ZNF385D: variants seen among roughly 807,000 people sequenced by gnomAD.
ZNF385D encodes the protein zinc finger protein 385D.
ZNF385D carries 15 observed loss-of-function variants against 35.8 expected under a neutral mutation model. The ratio of observed to expected loss-of-function variants is 0.42; its 90% CI spans 0.28 to 0.64. The LOEUF (loss-of-function observed/expected upper bound fraction) is 0.64, where lower values mean the gene tolerates loss of function less well. ZNF385D is among the 30% of genes least tolerant of loss of function. ZNF385D has a pLI of 0.23. For synonymous variants in ZNF385D, 212 were observed against 186.8 expected, an observed-to-expected ratio of 1.13 and a Z score of -1.10; for missense variants, 474 against 494.6, an observed-to-expected ratio of 0.96 and a Z score of 0.39.
chr3:22,146,620 AAAT>A (rs1342947882), intron 3 of ZNF385D, among the ~76,000 whole-genome samples: 5 of 152,144 alleles, frequency 3.3e-5, no homozygotes, highest in Non-Finnish European at 4.4e-5. Flanking sequence ...TTGCCTGCAA[AAAT>A]AATAACTTTT....
In ZNF385D at chr3:21,608,023, G is replaced by GTTTTTTTTT. The variant is rs572518584; in HGVS notation, c.166-43348_166-43340dup. Among the ~76,000 whole-genome samples the GTTTTTTTTT allele has an allele frequency of 1.4e-3, 172 of 120,128 alleles. 6 individuals carry two copies. Among genetic ancestry groups the GTTTTTTTTT allele is most frequent in the African/African-American group, 4.7e-3 (147 of 31,100 alleles). The allele number at this position is 120,128 out of a possible 152,430, so 78.8% of individuals were successfully genotyped here. On this transcript the variant is annotated intron_variant, in intron 2 of 7. Transcript: ENST00000281523. ...TAATTCTTTTTCTTCTTTTTTTTTT[G>GTTTTTTTTT]TTTTTTTTTTTTGAGTCTTGCTGTC...
At chr3:22,178,034 G>T (rs547283487) in intron 2 of ZNF385D, among the ~76,000 whole-genome samples, 2 of 152,060 alleles carry the variant, frequency 1.3e-5, no homozygotes, top group African/African-American at 4.8e-5. Flanking sequence ...GAATACTGCC[G>T]CATTAAACAT....
intron 3 of ZNF385D, among the ~76,000 whole-genome samples, chr3:22,056,867 G>A (rs777636586): frequency 1.3e-5 from 2 of 152,170 alleles, no homozygotes; most frequent in Non-Finnish European, 2.9e-5. Context: ...TGGAGCCCAG[G>A]CTGAATGATT....
chr3:21,652,638 C>A (rs985417119), intron 2 of ZNF385D, among the ~76,000 whole-genome samples: 1 of 147,108 alleles, frequency 6.8e-6, no homozygotes, highest in African/African-American at 2.5e-5. Context: ...CCCAACCCCA[C>A]AACAGTCCCC....
Position 21,751,034 on chromosome 3 carries a change from G to A in ZNF385D, c.-118C>T. On this transcript the variant is annotated 5_prime_UTR_variant, in exon 1 of 8. Transcript: ENST00000281523. ...GGTGGAAATGTCCCCGGCGTGGAGA[G>A]CAGTGAGCGCCGAGAGCGTGCCTCC... is the stretch of plus-strand genomic sequence containing the variant. 1 of 1,579,318 alleles carries A rather than the reference G, an allele frequency of 6.3e-7. No homozygotes were observed. Among genetic ancestry groups the A allele is most frequent in the Non-Finnish European group, 8.6e-7 (1 of 1,162,590 alleles).
chr3:22,325,714 C>T lies in ZNF385D; in HGVS notation c.106+46736G>A, dbSNP rs73136306. 6.2e-3 allele frequency among the ~76,000 whole-genome samples: 939 copies of T among 152,170 alleles called. 11 individuals carry two copies. Among genetic ancestry groups the T allele is most frequent in the African/African-American group, 0.022 (898 of 41,538 alleles). On this transcript the variant is annotated intron_variant, in intron 2 of 5. Transcript: ENST00000494108. The stretch of plus-strand genomic sequence containing the variant: ...CGGATGCCACAGTGAGCCAAGATCA[C>T]GCCATTGCACTCCAGAGTGGCCAAC...
intron 2 of ZNF385D, among the ~76,000 whole-genome samples, chr3:22,288,862 A>C (rs1575045692): frequency 6.6e-6 from 1 of 152,138 alleles, no homozygotes; most frequent in East Asian, 1.9e-4. Context: ...TTGTAAAAGA[A>C]GAACCTCACC....
intron 5 of ZNF385D, among the ~76,000 whole-genome samples, chr3:21,433,920 T>C (rs997795246): frequency 6.6e-6 from 1 of 152,176 alleles, no homozygotes; most frequent in Non-Finnish European, 1.5e-5. Flanking sequence ...CAAGTTTTTG[T>C]GTCATTAGTA....
At chr3:21,758,524 T>A (rs2125578760) in intron 3 of ZNF385D, among the ~76,000 whole-genome samples, 1 of 152,196 alleles carries the variant, frequency 6.6e-6, no homozygotes, top group East Asian at 1.9e-4. Context: ...AGAAATTTTG[T>A]GGATGGAGCA....
rs139575297 is a variant in ZNF385D at position 21,677,581 on chromosome 3, A to G, written c.23-12553T>C. On this transcript the variant is annotated intron_variant, in intron 1 of 7. Coordinates refer to ENST00000281523, the MANE Select transcript of ZNF385D (RefSeq NM_024697.3). ...TCTAGAAAAGCACAGGCCTAAATAA[A>G]TTTCTAAGAGAGAAATTTAATTTAA... Among the ~76,000 whole-genome samples, 7 of 152,162 alleles carry G rather than the reference A, an allele frequency of 4.6e-5. No individual in the cohort carries two copies. In the East Asian group the frequency reaches 1.4e-3, roughly 29 times the overall value.
chr3:21,812,553 A>G (rs550823954), intron 3 of ZNF385D, among the ~76,000 whole-genome samples: 2 of 152,252 alleles, frequency 1.3e-5, no homozygotes, highest in Non-Finnish European at 2.9e-5. Context: ...GTTATATCCC[A>G]TGCCTGGCTT....
chr3:21,632,957 T>G (rs2065323529), intron 2 of ZNF385D, among the ~76,000 whole-genome samples: 1 of 152,156 alleles, frequency 6.6e-6, no homozygotes, highest in Non-Finnish European at 1.5e-5. Flanking sequence ...ATAGGGAAGT[T>G]TTTGTTATCC....
At chr3:22,158,304 A>C (rs1213302332) in intron 3 of ZNF385D, among the ~76,000 whole-genome samples, 1 of 152,078 alleles carries the variant, frequency 6.6e-6, no homozygotes, top group Non-Finnish European at 1.5e-5. Context: ...CTTCAGAGTA[A>C]TCTTAGAGAT....
intron 2 of ZNF385D, among the ~76,000 whole-genome samples, chr3:22,364,708 T>C (rs1696572261): frequency 6.6e-6 from 1 of 152,116 alleles, no homozygotes; most frequent in Non-Finnish European, 1.5e-5. Flanking sequence ...GTATTAGAAG[T>C]ATTATGTCAT....
At chr3:21,973,665 A>C (rs1559806453) in intron 3 of ZNF385D, among the ~76,000 whole-genome samples, 2 of 152,064 alleles carry the variant, frequency 1.3e-5, no homozygotes, top group Non-Finnish European at 2.9e-5. Flanking sequence ...ATGATTTTAT[A>C]TTTGGAAAAA....
chr3:22,307,777 G>A (rs979067362), intron 2 of ZNF385D, among the ~76,000 whole-genome samples: 1 of 151,550 alleles, frequency 6.6e-6, no homozygotes, highest in Admixed American at 6.6e-5. Flanking sequence ...CTTTCTTAGG[G>A]TAATCTTAAA....
Position 21,907,645 on chromosome 3 carries a change from C to T in ZNF385D, c.326-242617G>A, listed in dbSNP as rs562004737. On this transcript the variant is annotated intron_variant, in intron 3 of 5. Coordinates refer to the ZNF385D transcript ENST00000494108. ...AGATACATTATAAGAATCTTTGATA[C>T]TTATTACCCTTCACAATGGTTGTTC... Among the ~76,000 whole-genome samples the T allele has an allele frequency of 2.4e-4, 36 of 152,224 alleles. 2 individuals carry two copies. In the South Asian group the frequency reaches 7.0e-3, roughly 30 times the overall value.
chr3:22,254,416 C>T (rs1326178085), intron 2 of ZNF385D, among the ~76,000 whole-genome samples: 1 of 151,860 alleles, frequency 6.6e-6, no homozygotes, highest in Admixed American at 6.6e-5. Flanking sequence ...CTGACATTTA[C>T]TATCAGAAAT....
intron 2 of ZNF385D, among the ~76,000 whole-genome samples, chr3:22,371,380 C>T (rs945979643): frequency 8.0e-5 from 12 of 149,436 alleles, no homozygotes; most frequent in African/African-American, 2.5e-5. Context: ...ACAGCGCCAG[C>T]TCTAGGGTCC....
Sources: gnomAD v4.1 joint callset for allele counts (sites outside exome capture counted in the v4.1 genomes callset) on GRCh38, gnomAD v4.1.1 for gene constraint, MANE v1.5 for transcripts, NCBI Gene and HGNC (gene_info 2026-07-23, HGNC 2026-07-21) for gene names.